Variants in HHIP observed in about 807,000 individuals in gnomAD.
HHIP encodes hedgehog-interacting protein.
A neutral mutation model predicts 74.0 loss-of-function variants in HHIP; 12 were observed. That is an observed-to-expected ratio of 0.16 (90% confidence interval 0.10 to 0.26). The LOEUF is 0.26. HHIP is among the 10% of genes least tolerant of loss of function. The pLI is 1.00. For missense variants in HHIP, 788 were observed against 845.0 expected, an observed-to-expected ratio of 0.93 and a Z score of 0.84; for synonymous variants, 309 against 311.6, an observed-to-expected ratio of 0.99 and a Z score of 0.09.
chr4:144,718,671 T>C (rs915211476), intron 10 of HHIP, among the ~76,000 whole-genome samples: 2 of 151,994 alleles, frequency 1.3e-5, no homozygotes, highest in African/African-American at 4.8e-5. Flanking sequence ...GGAGTAGTAG[T>C]GGGATATGGA....
chr4:144,668,395 TCTTTAAAGAGCAA>T (rs1728936935), intron 4 of HHIP, among the ~76,000 whole-genome samples: 2 of 151,546 alleles, frequency 1.3e-5, no homozygotes, highest in Non-Finnish European at 2.9e-5. Flanking sequence ...TAAAGTTAAA[TCTTTAAAGAGCAA>T]CAGTAGACAG....
intron 11 of HHIP, among the ~76,000 whole-genome samples, chr4:144,729,573 C>A (rs1730893081): frequency 6.6e-6 from 1 of 152,156 alleles, no homozygotes; most frequent in Non-Finnish European, 1.5e-5. Flanking sequence ...TGAGATTCTG[C>A]ATTCTGTGGA....
At chr4:144,683,635 G>A (rs1406918789) in intron 4 of HHIP, among the ~76,000 whole-genome samples, 1 of 152,164 alleles carries the variant, frequency 6.6e-6, no homozygotes, top group East Asian at 1.9e-4. Context: ...TAATGACTTA[G>A]ATTCAGGCTT....
rs754903217 is a variant in HHIP at position 144,646,898 on chromosome 4, C to G, written c.223C>G (p.Arg75Gly). 11 of 1,614,072 alleles carry G rather than the reference C, an allele frequency of 6.8e-6. 1 individual carries two copies. The South Asian group carries it at 1.1e-4, about 16-fold the overall frequency. The change falls in exon 1 of 13, where the codon CGG (arginine) becomes GGG (glycine). Residue 75 changes from arginine to glycine, a missense_variant. Around this residue, in one of 3 missense-constraint regions of HHIP, gnomAD observed 373 missense variants for 366.4 expected, o/e 1.02. Coordinates refer to ENST00000296575, the MANE Select transcript of HHIP (RefSeq NM_022475.3). ...GEMLCGGFYP[R>G]LSCCLRSDSP... ...GATGCTGTGCGGTGGCTTCTACCCT[C>G]GGCTGTCCTGCTGCCTGCGGAGTGA... is the stretch of plus-strand genomic sequence containing the variant.
chr4:144,675,441 G>A (rs1164226539), intron 4 of HHIP, among the ~76,000 whole-genome samples: 1 of 151,846 alleles, frequency 6.6e-6, no homozygotes, highest in Non-Finnish European at 1.5e-5. Context: ...TTATCAAACA[G>A]GAATTTAGAT....
chr4:144,665,309 T>G (rs981931051), intron 4 of HHIP, among the ~76,000 whole-genome samples: 1 of 152,202 alleles, frequency 6.6e-6, no homozygotes, highest in Admixed American at 6.5e-5. Flanking sequence ...ACTCAAGCAA[T>G]GCACCTGCCT....
chr4:144,732,545 A>AGAATAGCC lies in HHIP; in HGVS notation c.1761-2195_1761-2188dup, dbSNP rs567314952. Among the ~76,000 whole-genome samples, 18 of 152,328 alleles carry AGAATAGCC rather than the reference A, an allele frequency of 1.2e-4. No homozygotes were observed. In the South Asian group the frequency reaches 3.7e-3, roughly 32 times the overall value. ...ACAGGGGTCAGACACTCTCCCCTAA[A>AGAATAGCC]GAATAGCCCTTCAGTATCAGATTCC... On this transcript the variant is annotated intron_variant, in intron 11 of 12. Coordinates refer to ENST00000296575, the MANE Select transcript of HHIP (RefSeq NM_022475.3).
At chr4:144,654,054 C>T (rs914311787) in intron 2 of HHIP, among the ~76,000 whole-genome samples, 4 of 152,106 alleles carry the variant, frequency 2.6e-5, no homozygotes, top group South Asian at 2.1e-4. Context: ...TGAACATTTG[C>T]CTTTAGGACT....
rs201331119 is a variant in HHIP, at chr4:144,734,826, T to C, written c.1846T>C (p.Tyr616His). Residue 616 changes from tyrosine to histidine, a missense_variant, in exon 12 of 13, where the codon TAC becomes CAC. Physicochemically the swap from Tyr to His is moderately conservative, Grantham distance 83. This residue lies in a region of HHIP where 343 missense variants were observed against 347.9 expected (regional missense o/e 0.99). Transcript: ENST00000296575. Reference protein sequence around the residue: ...SECSRLCRNGYCTPTGKCCCS... With the variant: ...SECSRLCRNGHCTPTGKCCCS... ...GTGCTCCAGGCTCTGTCGAAACGGC[T>C]ACTGCACCCCCACGGGAAAGTGCTG... 6.2e-7 allele frequency: 1 copy of C among 1,613,074 alleles called. No homozygotes were observed. The highest frequency in any genetic ancestry group is 8.5e-7 in the Non-Finnish European group (1 of 1,179,268).
intron 11 of HHIP, among the ~76,000 whole-genome samples, chr4:144,721,938 A>C (rs1343895516): frequency 2.0e-5 from 3 of 151,912 alleles, no homozygotes; most frequent in Admixed American, 6.6e-5. Context: ...AGGAAACAGA[A>C]AAGGAATTAA....
chr4:144,683,533 C>T (rs1007359149), intron 4 of HHIP, among the ~76,000 whole-genome samples: 1 of 152,104 alleles, frequency 6.6e-6, no homozygotes, highest in South Asian at 2.1e-4. Context: ...TTAAAACTTA[C>T]GATAAATTAT....
In HHIP at chr4:144,743,988, A is replaced by G. The variant is rs1731326471; in HGVS notation, c.*6031A>G. 6.6e-6 allele frequency: 1 copy of G among 152,180 alleles called. No homozygotes were observed. Among genetic ancestry groups the G allele is most frequent in the Non-Finnish European group, 1.5e-5 (1 of 67,994 alleles). 9.4% of individuals were successfully genotyped at this position (152,180 alleles called of 1,614,324 possible). On this transcript the variant is annotated 3_prime_UTR_variant, in exon 13 of 13. Transcript: ENST00000296575. ...AACAAATTAAGATTTCATGTACAATAGAGTCCCTTTCCTAATACTGTTATG... is the reference window on the plus strand; with the variant it reads ...AACAAATTAAGATTTCATGTACAATGGAGTCCCTTTCCTAATACTGTTATG...
chr4:144,699,097 C>T (rs1729905119), intron 4 of HHIP, among the ~76,000 whole-genome samples: 1 of 152,170 alleles, frequency 6.6e-6, no homozygotes, highest in African/African-American at 2.4e-5. Flanking sequence ...CTGGACTTAG[C>T]TCAGACCTCA....
chr4:144,656,445 C>T (rs955432159), intron 2 of HHIP, among the ~76,000 whole-genome samples: 1 of 152,134 alleles, frequency 6.6e-6, no homozygotes, highest in Non-Finnish European at 1.5e-5. Context: ...CTCATTTCCT[C>T]GTATTTGTCC....
intron 12 of HHIP, 31 bp downstream of exon 12, chr4:144,734,920 C>T (rs1457864314): frequency 6.3e-7 from 1 of 1,577,894 alleles, no homozygotes; most frequent in South Asian, 1.1e-5. Context: ...CTGAAAAGGA[C>T]TGGGGATGAG....
At chr4:144,708,706 C>T (rs754329066) in intron 7 of HHIP, among the ~76,000 whole-genome samples, 10 of 152,190 alleles carry the variant, frequency 6.6e-5, no homozygotes, top group Non-Finnish European at 1.3e-4. Context: ...TATTACATGG[C>T]GGTGATAATA....
At position 144,742,953 on chromosome 4, in the gene HHIP, TATACA is replaced by T. The variant is rs1560729046; in HGVS notation, c.*4997_*5001del. ...TTATATATATCTTATATATATATCT[TATACA>T]TATAAGATATATGTATATATATATA... On this transcript the variant is annotated 3_prime_UTR_variant, in exon 13 of 13. Coordinates refer to ENST00000296575, the MANE Select transcript of HHIP (RefSeq NM_022475.3). 6 of 8,802 alleles carry T rather than the reference TATACA, an allele frequency of 6.8e-4. No homozygotes were observed. The highest frequency in any genetic ancestry group is 6.7e-3 in the Admixed American group (2 of 300). The allele number at this position is 8,802 out of a possible 1,614,324, so 0.5% of individuals were successfully genotyped here. A position where few individuals can be genotyped will look rare whatever the true frequency, so the allele number is the denominator to read the frequency against.
intron 12 of HHIP, among the ~76,000 whole-genome samples, chr4:144,736,243 CT>C (rs1434657223): frequency 2.7e-5 from 4 of 148,412 alleles, no homozygotes; most frequent in African/African-American, 9.9e-5. Context: ...TCAAGTGATT[CT>C]CCCGCCTCAG....
At chr4:144,667,950 C>T (rs1396616868) in intron 4 of HHIP, among the ~76,000 whole-genome samples, 3 of 152,052 alleles carry the variant, frequency 2.0e-5, no homozygotes, top group Admixed American at 6.5e-5. Context: ...GGTAAAGCTG[C>T]TATAAAATTA....
Sources: allele counts gnomAD v4.1 joint callset (sites outside exome capture counted in the v4.1 genomes callset), GRCh38; gene constraint gnomAD v4.1.1; regional missense constraint gnomAD v4.1.1; transcripts MANE v1.5; gene names NCBI Gene and HGNC (gene_info 2026-07-23, HGNC 2026-07-21).